Variants in ARHGEF11 observed in about 807,000 individuals in gnomAD.
The protein encoded by ARHGEF11 is Rho guanine nucleotide exchange factor 11.
A neutral mutation model predicts 193.7 loss-of-function variants in ARHGEF11; 55 were observed. That is an observed-to-expected ratio of 0.28 (90% CI 0.23 to 0.36). The LOEUF (loss-of-function observed/expected upper bound fraction) is 0.36. Ranked by LOEUF, ARHGEF11 falls within the 10% of genes least tolerant of loss-of-function variation. ARHGEF11 has a pLI of 1.00. For missense variants in ARHGEF11, 1,723 were observed against 2,005.6 expected (o/e 0.86, Z 2.69); for synonymous variants, 693 against 768.0 (o/e 0.90, Z 1.62).
Position 156,951,645 on chromosome 1 carries a change from T to C in ARHGEF11, c.1853A>G (p.Tyr618Cys), listed in dbSNP as rs923379396. Residue 618 changes from tyrosine to cysteine, a missense_variant, in exon 22 of 41, where the codon TAT (tyrosine) becomes TGT (cysteine). Physicochemically the swap from Tyr to Cys is radical, Grantham distance 194 (BLOSUM62 -2). Around this residue, in one of 5 missense-constraint regions of ARHGEF11, gnomAD observed 491 missense variants for 654.5 expected, o/e 0.75. Transcript: ENST00000368194. Reference sequence around the variant, plus strand: ...TTGTGTCCCAGGTTCTGGGGCATCATACTGCTGGTTGTTCTCAAAGTGCTG... The same window carrying C: ...TTGTGTCCCAGGTTCTGGGGCATCACACTGCTGGTTGTTCTCAAAGTGCTG... ...IIQHFENNQQ[Y>C]DAPEPGTQRL... 21 of 1,614,094 alleles carry C rather than the reference T, an allele frequency of 1.3e-5. No homozygotes were observed. The highest frequency in any genetic ancestry group is 1.7e-5 in the Admixed American group (1 of 60,010).
chr1:157,030,831 A>C (rs1671218826), intron 1 of ARHGEF11, among the ~76,000 whole-genome samples: 1 of 152,084 alleles, frequency 6.6e-6, no homozygotes, highest in Admixed American at 6.5e-5. Flanking sequence ...TGGACAAGAC[A>C]CTTTGCCAAA....
At chr1:156,979,201 C>A (rs2275207) in intron 5 of ARHGEF11, 28 bp downstream of exon 5, 3 of 1,610,264 alleles carry the variant, frequency 1.9e-6, no homozygotes, top group Non-Finnish European at 2.5e-6. Context: ...TGCTTCCCTA[C>A]TTTAGTTGTC....
chr1:156,960,821 C>A (rs1313589470), intron 14 of ARHGEF11, among the ~76,000 whole-genome samples: 23 of 152,176 alleles, frequency 1.5e-4, no homozygotes, highest in Admixed American at 1.5e-3. Context: ...ATTTGGTGGA[C>A]TTTCCCTCCC....
In ARHGEF11 at chr1:156,968,027, C is replaced by T. The variant is rs751411923; in HGVS notation, c.923G>A (p.Arg308Gln). The T allele has an allele frequency of 2.2e-5, 36 of 1,614,096 alleles. No individual in the cohort carries two copies. The highest frequency in any genetic ancestry group is 1.2e-4 in the African/African-American group (9 of 74,942). Residue 308 changes from arginine (R) to glutamine (Q), a missense_variant, in exon 11 of 41, where the codon CGG becomes CAG. By Grantham distance (43) the Arg-to-Gln change is conservative. This residue lies in a region of ARHGEF11 where 646 missense variants were observed against 710.7 expected (regional missense o/e 0.91). Transcript: ENST00000368194. ...IMARVAQHHR[R>Q]QGSDAAVPST... Reference sequence around the variant, plus strand: ...GGGGACTGCTGCATCCGAGCCCTGCCGCCTGTGGTGCTGGGCCACCCTGGC... The same window carrying T: ...GGGGACTGCTGCATCCGAGCCCTGCTGCCTGTGGTGCTGGGCCACCCTGGC...
At chr1:157,028,029 G>C (rs1036914283) in intron 1 of ARHGEF11, among the ~76,000 whole-genome samples, 1 of 152,190 alleles carries the variant, frequency 6.6e-6, no homozygotes, top group African/African-American at 2.4e-5. Flanking sequence ...TGGAAGCCCA[G>C]CCCTATCCCT....
intron 8 of ARHGEF11, among the ~76,000 whole-genome samples, chr1:156,971,219 A>G (rs1025749014): frequency 5.9e-5 from 9 of 152,360 alleles, no homozygotes; most frequent in African/African-American, 1.9e-4. Flanking sequence ...ATCTGCTGAT[A>G]CAGATCCATC....
intron 35 of ARHGEF11, among the ~76,000 whole-genome samples, chr1:156,940,663 C>T (rs1401267009): frequency 6.6e-6 from 1 of 152,158 alleles, no homozygotes; most frequent in African/African-American, 2.4e-5. Context: ...AAAAATAAGA[C>T]ACTTCAGTCA....
chr1:156,977,952 A>G (rs1663500021), intron 6 of ARHGEF11, among the ~76,000 whole-genome samples: 1 of 152,206 alleles, frequency 6.6e-6, no homozygotes, highest in Admixed American at 6.5e-5. Context: ...TCTTCTACAC[A>G]TTTAGGAAAC....
Position 156,978,449 on chromosome 1 carries a change from GA to G in ARHGEF11, c.332-68del, listed in dbSNP as rs1233548979. The G allele has an allele frequency of 1.3e-5, 20 of 1,507,874 alleles. No homozygotes were observed. The African/African-American group carries it at 1.8e-4, about 14-fold the overall frequency. The allele number at this position is 1,507,874 out of a possible 1,614,324, so 93.4% of individuals were successfully genotyped here. ...CTGGAGAGACAGTCCAGCTATACAG[GA>G]GGGGGCTGTTCTCCCTTGTCCTGTC... On this transcript the variant is annotated intron_variant, in intron 5 of 40. Coordinates refer to ENST00000368194, the MANE Select transcript of ARHGEF11 (RefSeq NM_198236.3).
At position 157,044,322 on chromosome 1, in the gene ARHGEF11, T is replaced by C; in HGVS notation, c.9A>G (p.Val3=). 1 of 1,613,734 alleles carries C rather than the reference T, an allele frequency of 6.2e-7. No homozygotes were observed. Among genetic ancestry groups the C allele is most frequent in the Non-Finnish European group, 8.5e-7 (1 of 1,179,882 alleles). Residue 3 remains valine (V), a synonymous_variant, in exon 1 of 41, where the codon GTA becomes GTG. Coordinates refer to ENST00000368194, the MANE Select transcript of ARHGEF11 (RefSeq NM_198236.3). MS[V]RLPQSIDRLS... ...ACCTGTCTATACTCTGGGGTAACCT[T>C]ACACTCATGGTTTCTCGGTGTCTCC...
chr1:156,951,412 A>T (rs1413522487), intron 22 of ARHGEF11, among the ~76,000 whole-genome samples, 161 bp downstream of exon 22: 1 of 152,154 alleles, frequency 6.6e-6, no homozygotes, highest in Admixed American at 6.5e-5. Flanking sequence ...ACTGGCACAC[A>T]ATGTGTCTCC....
At chr1:156,990,403 C>T (rs985016865) in intron 1 of ARHGEF11, among the ~76,000 whole-genome samples, 7 of 152,118 alleles carry the variant, frequency 4.6e-5, no homozygotes, top group Non-Finnish European at 8.8e-5. Context: ...AATCTATTTT[C>T]TCATTTGAAT....
At chr1:157,005,390 T>C (rs1557939509) in intron 1 of ARHGEF11, among the ~76,000 whole-genome samples, 1 of 152,166 alleles carries the variant, frequency 6.6e-6, no homozygotes, top group Non-Finnish European at 1.5e-5. Flanking sequence ...TGTTGGATAG[T>C]GCAAAAGATG....
chr1:157,032,372 G>T (rs1488624335), intron 1 of ARHGEF11, among the ~76,000 whole-genome samples: 3 of 152,236 alleles, frequency 2.0e-5, no homozygotes, highest in Non-Finnish European at 4.4e-5. Flanking sequence ...GAGCACAGAT[G>T]TCATAAGGCA....
intron 3 of ARHGEF11, among the ~76,000 whole-genome samples, chr1:156,982,505 C>T (rs368813335): frequency 1.3e-5 from 2 of 152,260 alleles, no homozygotes; most frequent in East Asian, 3.9e-4. Flanking sequence ...CAAATGAAGT[C>T]TCTTTTACTC....
At chr1:156,991,110 C>T (rs554620175) in intron 1 of ARHGEF11, among the ~76,000 whole-genome samples, 26 of 152,278 alleles carry the variant, frequency 1.7e-4, no homozygotes, top group South Asian at 4.2e-4. Flanking sequence ...TTGAGAACCC[C>T]GTTCCTAAAC....
intron 1 of ARHGEF11, among the ~76,000 whole-genome samples, chr1:157,002,036 T>C (rs1306823452): frequency 1.3e-5 from 2 of 152,144 alleles, no homozygotes; most frequent in Admixed American, 1.3e-4. Context: ...TGCATGTGCA[T>C]GTATGGGATT....
intron 37 of ARHGEF11, 86 bp from the exon 38 acceptor site, chr1:156,938,599 A>C (rs1656040153): frequency 1.5e-6 from 2 of 1,323,956 alleles, no homozygotes; most frequent in African/African-American, 1.4e-5. Flanking sequence ...GAGAGAGGGC[A>C]GGAGGTGGGG....
intron 10 of ARHGEF11, 93 bp downstream of exon 10, chr1:156,969,189 G>T: frequency 1.0e-6 from 1 of 997,456 alleles, no homozygotes; most frequent in Non-Finnish European, 1.5e-6. Context: ...GGCACACAGA[G>T]GCCTCAGTGC....
Sources: gnomAD v4.1 joint callset for allele counts (sites outside exome capture counted in the v4.1 genomes callset) on GRCh38, gnomAD v4.1.1 for gene constraint, gnomAD v4.1.1 regional missense constraint, MANE v1.5 for transcripts, NCBI Gene and HGNC (gene_info 2026-07-23, HGNC 2026-07-21) for gene names.